The following PEBP1 variants were observed in gnomAD, a reference collection of about 807,000 sequenced individuals.
PEBP1 encodes phosphatidylethanolamine binding protein 1.
PEBP1 carries 17 observed loss-of-function variants against 22.7 expected under a neutral mutation model. The ratio of observed to expected loss-of-function variants is 0.75; its 90% CI spans 0.51 to 1.12. PEBP1 has a LOEUF of 1.12. PEBP1 is among the 50% of genes most tolerant of loss of function. PEBP1 has a pLI of 0.00. For synonymous variants in PEBP1, 106 were observed against 104.3 expected (o/e 1.02, Z -0.10); for missense variants, 205 against 243.5 (o/e 0.84, Z 1.05).
chr12:118,145,339 G>A lies in PEBP1; in HGVS notation c.*536G>A. ...CAGATGCCTCAGTAGGCATCAGTAT[G>A]TCACTCTGGTCCCTTTAAAGAGCAA... On this transcript the variant is annotated 3_prime_UTR_variant, in exon 4 of 4. Transcript: ENST00000261313. 1.6e-5 allele frequency: 4 copies of A among 244,236 alleles called. No individual in the cohort carries two copies. The highest frequency in any genetic ancestry group is 3.2e-5 in the Non-Finnish European group (4 of 124,514). 15.1% of individuals were successfully genotyped at this position (244,236 alleles called of 1,614,324 possible). A position where few individuals can be genotyped will look rare whatever the true frequency, so the allele number is the denominator to read the frequency against.
chr12:118,138,453 C>T (rs1157956615), intron 2 of PEBP1, among the ~76,000 whole-genome samples: 1 of 152,052 alleles, frequency 6.6e-6, no homozygotes, highest in East Asian at 1.9e-4. Context: ...GGCTGGAGTG[C>T]AGTGGCATGA....
chr12:118,137,426 T>C (rs956623220), intron 1 of PEBP1, among the ~76,000 whole-genome samples: 6 of 152,006 alleles, frequency 3.9e-5, no homozygotes, highest in Non-Finnish European at 8.8e-5. Context: ...GGTGTGAGCA[T>C]GTAGTTCCCA....
chr12:118,144,538 C>T (rs2034139386), intron 3 of PEBP1, 48 bp from the exon 4 acceptor site: 2 of 1,545,420 alleles, frequency 1.3e-6, no homozygotes, highest in African/African-American at 1.4e-5. Flanking sequence ...ATGTCCCCAT[C>T]TCAAGTGCTG....
At chr12:118,141,734 CA>C (rs554125706) in intron 3 of PEBP1, among the ~76,000 whole-genome samples, 10 of 149,974 alleles carry the variant, frequency 6.7e-5, no homozygotes, top group African/African-American at 2.2e-4. Flanking sequence ...CCTCTGCCTC[CA>C]AAAAAAAAGT....
rs1174161883 is a variant in PEBP1 at position 118,138,051 on chromosome 12, C to T, written c.148C>T (p.Pro50Ser). The T allele has an allele frequency of 6.2e-7, 1 of 1,612,624 alleles. No individual in the cohort carries two copies. Among genetic ancestry groups the T allele is most frequent in the East Asian group, 2.2e-5 (1 of 44,878 alleles). Residue 50 changes from proline (P) to serine (S), a missense_variant, in exon 2 of 4, where the codon CCC (proline) becomes TCC (serine). Physicochemically the swap from Pro to Ser is moderately conservative, Grantham distance 74. Coordinates refer to ENST00000261313, the MANE Select transcript of PEBP1 (RefSeq NM_002567.4). ...TTCCTTCATACAGGTTAAGAATAGA[C>T]CCACCAGCATTTCGTGGGATGGTCT... Reference protein sequence around the residue: ...VLTPTQVKNRPTSISWDGLDS... With the variant: ...VLTPTQVKNRSTSISWDGLDS...
At chr12:118,139,401 A>G in intron 2 of PEBP1, 50 bp from the exon 3 acceptor site, 1 of 1,292,314 alleles carries the variant, frequency 7.7e-7, no homozygotes, top group Non-Finnish European at 1.1e-6. Flanking sequence ...CTGTGCAGTG[A>G]ATGTTCCCTG....
Position 118,136,240 on chromosome 12 carries a change from C to T in PEBP1, c.31C>T (p.Pro11Ser), listed in dbSNP as rs1360559724. ...GGTGGACCTCAGCAAGTGGTCCGGG[C>T]CCTTGAGCCTGCAAGAAGTGGACGA... MPVDLSKWSG[P>S]LSLQEVDEQP... The change falls in exon 1 of 4, where the codon CCC becomes TCC. Residue 11 changes from proline to serine, a missense_variant. By Grantham distance (74) the Pro-to-Ser change is moderately conservative (BLOSUM62 -1). Coordinates refer to ENST00000261313, the MANE Select transcript of PEBP1 (RefSeq NM_002567.4). The surrounding 1 kb of genome is among the most constrained non-coding windows in gnomAD (Gnocchi z 5.6). 6.5e-7 allele frequency: 1 copy of T among 1,547,106 alleles called. No individual in the cohort carries two copies.
intron 2 of PEBP1, 141 bp downstream of exon 2, chr12:118,138,289 T>TA: frequency 1.5e-6 from 1 of 646,372 alleles, no homozygotes; most frequent in Admixed American, 2.3e-5. Flanking sequence ...TTCCTGCCCT[T>TA]TTGCCCCCCT....
In PEBP1 at chr12:118,139,466, C is replaced by T; in HGVS notation, c.261C>T (p.Phe87=). ...KDPKYREWHH[F]LVVNMKGNDI... is the part of the protein sequence containing the mutation. ...CTTCATGCAGAGAATGGCATCATTT[C>T]CTGGTGGTCAACATGAAGGGCAATG... Residue 87 remains phenylalanine, a synonymous_variant, in exon 3 of 4, where the codon TTC becomes TTT. Coordinates refer to ENST00000261313, the MANE Select transcript of PEBP1 (RefSeq NM_002567.4). 6.2e-7 allele frequency: 1 copy of T among 1,612,074 alleles called. No individual in the cohort carries two copies. Among genetic ancestry groups the T allele is most frequent in the South Asian group, 1.1e-5 (1 of 90,980 alleles).
At chr12:118,138,215 C>A in intron 2 of PEBP1, 67 bp downstream of exon 2, 1 of 1,068,828 alleles carries the variant, frequency 9.4e-7, no homozygotes, top group Non-Finnish European at 1.4e-6. Flanking sequence ...AAGTCCCTTG[C>A]TGGACACAGA....
In PEBP1 at chr12:118,144,736, G is replaced by T. The variant is rs1321527597; in HGVS notation, c.497G>T (p.Gly166Val). The change falls in exon 4 of 4, where the codon GGC becomes GTC. Residue 166 changes from glycine (G) to valine (V), a missense_variant. Gly to Val is a moderately radical substitution (Grantham distance 109, BLOSUM62 -3). Coordinates refer to ENST00000261313, the MANE Select transcript of PEBP1 (RefSeq NM_002567.4). ...TATGAGCTCAGGGCCCCGGTGGCTG[G>T]CACGTGTTACCAGGCCGAGTGGGAT... The part of the protein sequence containing the change: ...KKYELRAPVA[G>V]TCYQAEWDDY... The T allele has an allele frequency of 6.2e-7, 1 of 1,614,032 alleles. No individual in the cohort carries two copies. The highest frequency in any genetic ancestry group is 1.3e-5 in the African/African-American group (1 of 74,914).
chr12:118,138,301 C>T (rs1195675659), intron 2 of PEBP1, among the ~76,000 whole-genome samples, 153 bp downstream of exon 2: 1 of 152,198 alleles, frequency 6.6e-6, no homozygotes, highest in Non-Finnish European at 1.5e-5. Flanking sequence ...TGCCCCCCTA[C>T]AGCAGGTGTC....
At chr12:118,139,402 A>G (rs1445610374) in intron 2 of PEBP1, 49 bp from the exon 3 acceptor site, 1 of 1,301,438 alleles carries the variant, frequency 7.7e-7, no homozygotes, top group South Asian at 1.2e-5. Context: ...TGTGCAGTGA[A>G]TGTTCCCTGA....
rs926139704 is a variant in PEBP1 at position 118,138,164 on chromosome 12, G to A, written c.245+16G>A. On this transcript the variant is annotated intron_variant, in intron 2 of 3. Coordinates refer to ENST00000261313, the MANE Select transcript of PEBP1 (RefSeq NM_002567.4). ...CCAAATACAGGTGAGAGGTGAGAAA[G>A]ACGAGAAGAGCAGGTCATGCAGAGA... 2 of 1,521,432 alleles carry A rather than the reference G, an allele frequency of 1.3e-6. No homozygotes were observed. Among genetic ancestry groups the A allele is most frequent in the Non-Finnish European group, 1.8e-6 (2 of 1,097,110 alleles). The allele number at this position is 1,521,432 out of a possible 1,614,324, so 94.2% of individuals were successfully genotyped here.
intron 2 of PEBP1, 97 bp from the exon 3 acceptor site, chr12:118,139,354 T>C: frequency 3.8e-6 from 3 of 794,650 alleles, no homozygotes; most frequent in South Asian, 2.8e-5. Flanking sequence ...GTGGCTGTGT[T>C]GTGGCAGCCA....
intron 3 of PEBP1, among the ~76,000 whole-genome samples, chr12:118,140,790 G>A (rs965670118): frequency 2.2e-4 from 33 of 152,076 alleles, no homozygotes; most frequent in African/African-American, 6.8e-4. Context: ...TACCTGCCTC[G>A]GTCTCCCAAA....
Position 118,136,474 on chromosome 12 carries a change from C to G in PEBP1, c.135+130C>G, listed in dbSNP as rs1018170007. 6 of 1,139,982 alleles carry G rather than the reference C, an allele frequency of 5.3e-6. No individual in the cohort carries two copies. Among genetic ancestry groups the G allele is most frequent in the South Asian group, 1.6e-5 (1 of 61,056 alleles). The allele number at this position is 1,139,982 out of a possible 1,614,324, so 70.6% of individuals were successfully genotyped here. On this transcript the variant is annotated intron_variant, in intron 1 of 3. Transcript: ENST00000261313. This position sits in a 1 kb window ranked among gnomAD's most constrained non-coding sequence, Gnocchi z 5.6. ...CAGCCTGCGTGTGTCGAGGCCCCCC[C>G]AGGCCAGAGGTCCCGGGGTCCATGT...
Position 118,136,603 on chromosome 12 carries a change from C to T in PEBP1, c.135+259C>T, listed in dbSNP as rs1405304533. 1.3e-5 allele frequency among the ~76,000 whole-genome samples: 2 copies of T among 152,236 alleles called. No homozygotes were observed. The highest frequency in any genetic ancestry group is 2.9e-5 in the Non-Finnish European group (2 of 68,050). On this transcript the variant is annotated intron_variant, in intron 1 of 3. Coordinates refer to ENST00000261313, the MANE Select transcript of PEBP1 (RefSeq NM_002567.4). The surrounding 1 kb of genome is among the most constrained non-coding windows in gnomAD (Gnocchi z 5.6). ...TCATTCACTTTTCCCGGGCTTCAGA[C>T]CCAAGAGGGACCTAGGTTCGGAAAC... is the stretch of plus-strand genomic sequence containing the variant.
intron 2 of PEBP1, 152 bp downstream of exon 2, chr12:118,138,300 A>G (rs981252241): frequency 7.9e-6 from 5 of 629,364 alleles, no homozygotes; most frequent in African/African-American, 7.2e-5. Flanking sequence ...TTGCCCCCCT[A>G]CAGCAGGTGT....
Sources: allele counts gnomAD v4.1 joint callset (sites outside exome capture counted in the v4.1 genomes callset), GRCh38; gene constraint gnomAD v4.1.1; non-coding constraint Gnocchi (gnomAD v3.1); transcripts MANE v1.5; gene names NCBI Gene and HGNC (gene_info 2026-07-23, HGNC 2026-07-21).